Variants in SPTBN4 observed in about 807,000 individuals in gnomAD.
The protein encoded by SPTBN4 is spectrin beta, non-erythrocytic 4.
A neutral mutation model predicts 277.8 loss-of-function variants in SPTBN4; 96 were observed. The observed-to-expected ratio is 0.35, with a 90% confidence interval of 0.29 to 0.41. The LOEUF (loss-of-function observed/expected upper bound fraction) is 0.41, where lower values mean the gene tolerates loss of function less well. Ranked by LOEUF, SPTBN4 falls within the 10% of genes least tolerant of loss-of-function variation. The pLI, the probability that SPTBN4 is intolerant of heterozygous loss-of-function variation, is 1.00. For synonymous variants in SPTBN4, 1,481 were observed against 1,580.3 expected, an observed-to-expected ratio of 0.94 and a Z score of 1.49; for missense variants, 3,006 against 3,595.7, an observed-to-expected ratio of 0.84 and a Z score of 4.19.
intron 35 of SPTBN4, among the ~76,000 whole-genome samples, chr19:40,573,549 G>A (rs1444509248): frequency 1.3e-5 from 2 of 152,244 alleles, no homozygotes; most frequent in Non-Finnish European, 2.9e-5. Context: ...AAAGATTCCT[G>A]GCTGGGCGCA....
At chr19:40,474,029 G>A (rs1388228458) in intron 2 of SPTBN4, among the ~76,000 whole-genome samples, 1 of 151,374 alleles carries the variant, frequency 6.6e-6, no homozygotes. Context: ...GCATGCATCT[G>A]TAGTTCCAGC....
rs539383110 is a variant in SPTBN4, at chr19:40,487,685, C to T, written c.170-12C>T. On this transcript the variant is annotated splice_polypyrimidine_tract_variant and intron_variant, in intron 2 of 35. Transcript: ENST00000598249. Reference sequence around the variant, plus strand: ...GGAAGCGCCTGGGGGCTCATCAGGGCCTCTCCTCCAGATGAGCGGGAAGCC... The same window carrying T: ...GGAAGCGCCTGGGGGCTCATCAGGGTCTCTCCTCCAGATGAGCGGGAAGCC... 8.7e-6 allele frequency: 14 copies of T among 1,606,384 alleles called. No homozygotes were observed. The African/African-American group carries it at 1.5e-4, about 17-fold the overall frequency.
intron 3 of SPTBN4, among the ~76,000 whole-genome samples, chr19:40,488,237 A>G (rs7256439): frequency 0.036 from 5,360 of 150,416 alleles, 143 homozygotes; most frequent in South Asian, 0.083. Context: ...GCAGAACTGT[A>G]TTGCGGGTTG....
At position 40,504,150 on chromosome 19, in the gene SPTBN4, G is replaced by A. The variant is rs774005392; in HGVS notation, c.1665+18G>A. 6.9e-6 allele frequency: 7 copies of A among 1,020,866 alleles called. No homozygotes were observed. Among genetic ancestry groups the A allele is most frequent in the Admixed American group, 3.6e-5 (2 of 54,992 alleles). The allele number at this position is 1,020,866 out of a possible 1,614,324, so 63.2% of individuals were successfully genotyped here. On this transcript the variant is annotated intron_variant, in intron 12 of 35. Transcript: ENST00000598249. ...AGATGCAGGTGCCGGCGGGGGGGCG[G>A]GGATGCGGGTGGAGTGCCAGGAGGG...
At chr19:40,550,357 A>G in intron 22 of SPTBN4, 30 bp downstream of exon 22, 1 of 1,596,676 alleles carries the variant, frequency 6.3e-7, no homozygotes, top group Non-Finnish European at 8.5e-7. Context: ...GGAGCGAGTT[A>G]GGACATTTGG....
chr19:40,516,230 C>G lies in SPTBN4; in HGVS notation c.2903+782C>G, dbSNP rs1215184959. Among the ~76,000 whole-genome samples the G allele has an allele frequency of 1.6e-4, 20 of 122,156 alleles. No individual in the cohort carries two copies. In the East Asian group the frequency reaches 4.0e-3, roughly 25 times the overall value. 80.1% of individuals were successfully genotyped at this position (122,156 alleles called of 152,430 possible). A position where few individuals can be genotyped will look rare whatever the true frequency, so the allele number is the denominator to read the frequency against. ...TCCAGCCTGGGCAATAGAGCCAGAC[C>G]TTGTCTCAAAAAAAAAAAAAAAAAA... On this transcript the variant is annotated intron_variant, in intron 15 of 35. Transcript: ENST00000598249.
chr19:40,506,359 G>T lies in SPTBN4; in HGVS notation c.1789G>T (p.Ala597Ser), dbSNP rs201912232. The T allele has an allele frequency of 4.3e-6, 7 of 1,612,948 alleles. No homozygotes were observed. The highest frequency in any genetic ancestry group is 5.9e-6 in the Non-Finnish European group (7 of 1,179,346). Residue 597 changes from alanine (A) to serine (S), a missense_variant, in exon 13 of 36, where the codon GCT becomes TCT. Around this residue, in one of 5 missense-constraint regions of SPTBN4, gnomAD observed 1,759 missense variants for 2,061.5 expected, o/e 0.85. Coordinates refer to ENST00000598249, the MANE Select transcript of SPTBN4 (RefSeq NM_020971.3). ...QSERVEALNA[A>S]ALRFSQLQGY... ...CGAGCGGGTGGAGGCTCTCAATGCC[G>T]CTGCCCTGCGCTTCTCCCAGCTGCA...
Position 40,567,970 on chromosome 19 carries a change from C to G in SPTBN4, c.6644C>G (p.Ala2215Gly). 4 of 1,499,498 alleles carry G rather than the reference C, an allele frequency of 2.7e-6. No homozygotes were observed. Among genetic ancestry groups the G allele is most frequent in the Non-Finnish European group, 3.5e-6 (4 of 1,130,550 alleles). The allele number at this position is 1,499,498 out of a possible 1,614,324, so 92.9% of individuals were successfully genotyped here. Residue 2215 changes from alanine to glycine, a missense_variant, in exon 31 of 36, where the codon GCG (alanine) becomes GGG (glycine). Physicochemically the swap from Ala to Gly is moderately conservative, Grantham distance 60 (BLOSUM62 0). Coordinates refer to ENST00000598249, the MANE Select transcript of SPTBN4 (RefSeq NM_020971.3). Reference protein sequence around the residue: ...AALPAAPEDAAETPATPAAAE... With the variant: ...AALPAAPEDAGETPATPAAAE... The stretch of plus-strand genomic sequence containing the variant: ...CTGCCGGCCGCACCAGAGGACGCGG[C>G]GGAGACCCCCGCGACCCCCGCGGCG...
Position 40,557,218 on chromosome 19 carries a change from C to G in SPTBN4, c.5485C>G (p.Leu1829Val), listed in dbSNP as rs553747226. ...GGAGCTCATGGGCACACGGGCCCAGCTGCTGGCCGCCTCTCGGGAGCTTCA... is the reference window on the plus strand; with the variant it reads ...GGAGCTCATGGGCACACGGGCCCAGGTGCTGGCCGCCTCTCGGGAGCTTCA... ...LLELMGTRAQ[L>V]LAASRELHKF... The change falls in exon 26 of 36, where the codon CTG becomes GTG. Residue 1829 changes from leucine (L) to valine (V), a missense_variant. By Grantham distance (32) the Leu-to-Val change is conservative. This residue lies in a region of SPTBN4 where 425 missense variants were observed against 594.7 expected (regional missense o/e 0.71). Coordinates refer to ENST00000598249, the MANE Select transcript of SPTBN4 (RefSeq NM_020971.3). 2 of 1,611,166 alleles carry G rather than the reference C, an allele frequency of 1.2e-6. No individual in the cohort carries two copies. The highest frequency in any genetic ancestry group is 1.7e-6 in the Non-Finnish European group (2 of 1,177,938).
In SPTBN4 at chr19:40,519,995, G is replaced by C. The variant is rs200346450; in HGVS notation, c.3498G>C (p.Pro1166=). ...CCGCCGACGGCGCAGAGCTGGGCCCGGGCCTGGCACTAGACGAGTGGCTGC... is the reference window on the plus strand; with the variant it reads ...CCGCCGACGGCGCAGAGCTGGGCCCCGGCCTGGCACTAGACGAGTGGCTGC... ...LLAADGAELG[P]GLALDEWLPH... Residue 1166 remains proline (P), a synonymous_variant, in exon 16 of 36, where the codon CCG becomes CCC. Transcript: ENST00000598249. This position sits in a 1 kb window ranked among gnomAD's most constrained non-coding sequence, Gnocchi z 5.7. 6.4e-7 allele frequency: 1 copy of C among 1,561,374 alleles called. No homozygotes were observed. Among genetic ancestry groups the C allele is most frequent in the Non-Finnish European group, 8.6e-7 (1 of 1,158,830 alleles).
rs1599759153 is a variant in SPTBN4 at position 40,519,761 on chromosome 19, G to A, written c.3264G>A (p.Gly1088=). 7.1e-7 allele frequency: 1 copy of A among 1,404,362 alleles called. No individual in the cohort carries two copies. Among genetic ancestry groups the A allele is most frequent in the Non-Finnish European group, 9.2e-7 (1 of 1,092,194 alleles). 87.0% of individuals were successfully genotyped at this position (1,404,362 alleles called of 1,614,324 possible). ...GCGGCGAGGCGGTGGCGGCAGCAGG[G>A]CGCCTGCAGCGCTTCCTACATGACC... ...QACGEAVAAA[G]RLQRFLHDLD... Residue 1088 remains glycine (G), a synonymous_variant, in exon 16 of 36, where the codon GGG becomes GGA. Transcript: ENST00000598249. This position sits in a 1 kb window ranked among gnomAD's most constrained non-coding sequence, Gnocchi z 5.7.
At chr19:40,526,252 A>G (rs2080590773) in intron 17 of SPTBN4, among the ~76,000 whole-genome samples, 1 of 143,934 alleles carries the variant, frequency 6.9e-6, no homozygotes, top group Admixed American at 7.4e-5. Context: ...GCCTCACTGC[A>G]ACCTCTGCCT....
chr19:40,528,990 C>G (rs757749017), intron 17 of SPTBN4, 51 bp from the exon 18 acceptor site: 51 of 1,477,978 alleles, frequency 3.5e-5, no homozygotes, highest in Non-Finnish European at 4.7e-5. Context: ...CTGCCAGCGC[C>G]GCACCCCCCA....
In SPTBN4 at chr19:40,519,198, T is replaced by C. The variant is rs1338569536; in HGVS notation, c.2904-203T>C. Among the ~76,000 whole-genome samples the C allele has an allele frequency of 6.6e-6, 1 of 152,246 alleles. No individual in the cohort carries two copies. Among genetic ancestry groups the C allele is most frequent in the African/African-American group, 2.4e-5 (1 of 41,470 alleles). ...TTTTTATGAAGATAGTTTTGTCCTC[T>C]ATCAGATTACATGTTGAGAATGGCT... On this transcript the variant is annotated intron_variant, in intron 15 of 35. Coordinates refer to ENST00000598249, the MANE Select transcript of SPTBN4 (RefSeq NM_020971.3). This position sits in a 1 kb window ranked among gnomAD's most constrained non-coding sequence, Gnocchi z 5.7.
In SPTBN4 at chr19:40,572,706, C is replaced by T. The variant is rs540703093; in HGVS notation, c.7536+326C>T. On this transcript the variant is annotated intron_variant, in intron 35 of 35. Transcript: ENST00000598249. ...AGGCGCGGTGGCTCACGCTTGTAAT[C>T]CCAGTACTTTGGGAGGCCAAGACGG... 4.1e-5 allele frequency: 12 copies of T among 289,236 alleles called. No individual in the cohort carries two copies. The East Asian group carries it at 7.4e-4, about 18-fold the overall frequency. 17.9% of individuals were successfully genotyped at this position (289,236 alleles called of 1,614,324 possible).
In SPTBN4 at chr19:40,502,548, G is replaced by C; in HGVS notation, c.1203+41G>C. ...CAGGGGAGAGGCGGGGTTGCACTGT[G>C]GAGTTGTATAGGTTGCACACTGCTC... On this transcript the variant is annotated intron_variant, in intron 10 of 35. Coordinates refer to ENST00000598249, the MANE Select transcript of SPTBN4 (RefSeq NM_020971.3). The surrounding 1 kb of genome is among the most constrained non-coding windows in gnomAD (Gnocchi z 4.9). 1 of 1,565,456 alleles carries C rather than the reference G, an allele frequency of 6.4e-7. No individual in the cohort carries two copies. The highest frequency in any genetic ancestry group is 8.7e-7 in the Non-Finnish European group (1 of 1,153,496).
Position 40,557,036 on chromosome 19 carries a change from A to T in SPTBN4, c.5303A>T (p.Lys1768Ile), listed in dbSNP as rs2145935637. Residue 1768 changes from lysine (K) to isoleucine (I), a missense_variant, in exon 26 of 36, where the codon AAA (lysine) becomes ATA (isoleucine). Physicochemically the swap from Lys to Ile is moderately radical, Grantham distance 102. Around this residue, in one of 5 missense-constraint regions of SPTBN4, gnomAD observed 425 missense variants for 594.7 expected, o/e 0.71. Coordinates refer to ENST00000598249, the MANE Select transcript of SPTBN4 (RefSeq NM_020971.3). ...TCCTGATGGCAGGTGCTGCAGGAGAAATTCTCAGAGTTTGCCAGCGAGACA... is the reference window on the plus strand; with the variant it reads ...TCCTGATGGCAGGTGCTGCAGGAGATATTCTCAGAGTTTGCCAGCGAGACA... ...DFEHVSVLQE[K>I]FSEFASETGM... The T allele has an allele frequency of 7.2e-7, 1 of 1,394,660 alleles. No individual in the cohort carries two copies. Among genetic ancestry groups the T allele is most frequent in the Non-Finnish European group, 9.6e-7 (1 of 1,042,474 alleles). 86.4% of individuals were successfully genotyped at this position (1,394,660 alleles called of 1,614,324 possible).
rs762670305 is a variant in SPTBN4, at chr19:40,519,902, C to A, written c.3405C>A (p.Leu1135=). The part of the protein sequence containing the change: ...ADALLARHAA[L]KEEVDQREED... ...CGCTGCTGGCGCGCCACGCTGCGCT[C>A]AAGGAGGAGGTGGACCAGCGCGAGG... Residue 1135 remains leucine (L), a synonymous_variant, in exon 16 of 36, where the codon CTC becomes CTA. Transcript: ENST00000598249. This position sits in a 1 kb window ranked among gnomAD's most constrained non-coding sequence, Gnocchi z 5.7. 3 of 1,541,722 alleles carry A rather than the reference C, an allele frequency of 1.9e-6. No homozygotes were observed. In the East Asian group the frequency reaches 7.4e-5, roughly 38 times the overall value.
intron 7 of SPTBN4, among the ~76,000 whole-genome samples, chr19:40,499,104 C>A (rs1362653552): frequency 6.6e-6 from 1 of 151,962 alleles, no homozygotes; most frequent in Non-Finnish European, 1.5e-5. Flanking sequence ...TCCTAGCTCA[C>A]TGCAACCTCC....
Sources: allele counts gnomAD v4.1 joint callset (sites outside exome capture counted in the v4.1 genomes callset), GRCh38; gene constraint gnomAD v4.1.1; regional missense constraint gnomAD v4.1.1; non-coding constraint Gnocchi (gnomAD v3.1); transcripts MANE v1.5; gene names NCBI Gene and HGNC (gene_info 2026-07-23, HGNC 2026-07-21).